The following OSBPL2 variants were observed in gnomAD, a reference collection of about 807,000 sequenced individuals.
The protein encoded by OSBPL2 is oxysterol-binding protein-related protein 2.
Under a neutral mutation model 58.4 loss-of-function variants are expected in OSBPL2, and 18 were observed. That is an observed-to-expected ratio of 0.31 (90% CI 0.21 to 0.46). OSBPL2 has a LOEUF of 0.46. Among genes scored for constraint, OSBPL2 ranks in the 20% least tolerant of loss-of-function variants. The pLI is 1.00. For synonymous variants in OSBPL2, 221 were observed against 234.1 expected, an observed-to-expected ratio of 0.94 and a Z score of 0.51; for missense variants, 461 against 616.5, an observed-to-expected ratio of 0.75 and a Z score of 2.67.
intron 1 of OSBPL2, among the ~76,000 whole-genome samples, chr20:62,245,747 T>C (rs6061467): frequency 0.96 from 146,395 of 152,208 alleles, 70,459 homozygotes; most frequent in South Asian, 0.99. Flanking sequence ...GGGCTGCAGA[T>C]GGTGACGAGG....
rs753267278 is a variant in OSBPL2, at chr20:62,260,175, A to C, written c.182+50A>C. 1.9e-6 allele frequency: 3 copies of C among 1,571,404 alleles called. No individual in the cohort carries two copies. In the Admixed American group the frequency reaches 5.1e-5, roughly 27 times the overall value. On this transcript the variant is annotated intron_variant, in intron 3 of 13. Transcript: ENST00000313733. Reference sequence around the variant, plus strand: ...TCTAAAATGTGTCTGTAATCACCCCAAAAATACTCTGCAGGGTACCCCTCA... The same window carrying C: ...TCTAAAATGTGTCTGTAATCACCCCCAAAATACTCTGCAGGGTACCCCTCA...
chr20:62,281,605 C>T (rs1010831069), intron 8 of OSBPL2, 185 bp from the exon 9 acceptor site: 11 of 556,418 alleles, frequency 2.0e-5, no homozygotes, highest in East Asian at 2.9e-5. Flanking sequence ...GTAAATTGAC[C>T]GAATCATGGA....
chr20:62,267,423 G>A (rs1316985649), intron 4 of OSBPL2, among the ~76,000 whole-genome samples: 2 of 152,048 alleles, frequency 1.3e-5, no homozygotes, highest in African/African-American at 4.8e-5. Flanking sequence ...AAGGTGGCCC[G>A]GAGTCCTTTA....
At chr20:62,274,830 C>G (rs1325770999) in intron 6 of OSBPL2, among the ~76,000 whole-genome samples, 2 of 152,208 alleles carry the variant, frequency 1.3e-5, no homozygotes, top group Non-Finnish European at 2.9e-5. Flanking sequence ...AGAGTGCAGA[C>G]GGGAGGGAAG....
intron 1 of OSBPL2, among the ~76,000 whole-genome samples, chr20:62,243,462 G>T (rs927831453): frequency 1.6e-5 from 1 of 61,770 alleles, no homozygotes; most frequent in Non-Finnish European, 5.2e-5. Context: ...CGCCTGCCCC[G>T]CAGCGCCTGC....
At chr20:62,275,897 T>G (rs1406485688) in intron 6 of OSBPL2, among the ~76,000 whole-genome samples, 2 of 147,656 alleles carry the variant, frequency 1.4e-5, no homozygotes, top group Non-Finnish European at 3.0e-5. Flanking sequence ...TTTTATGTGT[T>G]ATTAATGATT....
rs1219383566 is a variant in OSBPL2, at chr20:62,256,116, A to T, written c.-69A>T. 7 of 1,537,856 alleles carry T rather than the reference A, an allele frequency of 4.6e-6. No homozygotes were observed. The highest frequency in any genetic ancestry group is 2.7e-5 in the African/African-American group (2 of 73,274). On this transcript the variant is annotated 5_prime_UTR_variant, in exon 2 of 14. It removes an upstream start codon present in the reference 5' UTR. Coordinates refer to ENST00000313733, the MANE Select transcript of OSBPL2 (RefSeq NM_144498.4). The stretch of plus-strand genomic sequence containing the variant: ...GTTTGTAAAATTCCTTACACTGTAG[A>T]TGTGGATCAGATACGATGATTCAGT...
intron 1 of OSBPL2, among the ~76,000 whole-genome samples, chr20:62,252,951 C>T (rs1028743289): frequency 1.1e-4 from 16 of 152,254 alleles, no homozygotes; most frequent in African/African-American, 3.4e-4. Flanking sequence ...CCCATCAGGC[C>T]TGCATCCAAC....
chr20:62,260,072 G>A lies in OSBPL2; in HGVS notation c.129G>A (p.Arg43=), dbSNP rs1313268712. The change falls in exon 3 of 14, where the codon AGG becomes AGA. Residue 43 remains arginine, a synonymous_variant. Coordinates refer to ENST00000313733, the MANE Select transcript of OSBPL2 (RefSeq NM_144498.4). ...ACTTAGACACCAGCAAAAATAATAG[G>A]ATTGGGAAAACTGGGGAGAGGCCCT... ...MIDLDTSKNN[R]IGKTGERPSQ... The A allele has an allele frequency of 1.2e-6, 2 of 1,613,878 alleles. No homozygotes were observed. The highest frequency in any genetic ancestry group is 1.7e-6 in the Non-Finnish European group (2 of 1,179,914).
At chr20:62,285,988 G>A in intron 10 of OSBPL2, 1 of 159,582 alleles carries the variant, frequency 6.3e-6, no homozygotes, top group South Asian at 1.5e-4. Flanking sequence ...AAACACGCCT[G>A]GCCACTGACC....
intron 1 of OSBPL2, among the ~76,000 whole-genome samples, chr20:62,241,319 A>T (rs1979716032): frequency 6.6e-6 from 1 of 152,012 alleles, no homozygotes; most frequent in Non-Finnish European, 1.5e-5. Context: ...CAGCCTCCCA[A>T]GTAGCTGGGA....
At chr20:62,281,282 C>T (rs1198867170) in intron 8 of OSBPL2, 117 bp downstream of exon 8, 9 of 688,076 alleles carry the variant, frequency 1.3e-5, no homozygotes, top group African/African-American at 5.3e-5. Flanking sequence ...GAGCTGCTGC[C>T]GTGTCCCCGC....
intron 1 of OSBPL2, among the ~76,000 whole-genome samples, chr20:62,255,420 C>A (rs144344071): frequency 3.0e-4 from 45 of 152,236 alleles, no homozygotes; most frequent in African/African-American, 1.1e-3. Flanking sequence ...GCGCCCATGA[C>A]TTTTCCCAAA....
intron 3 of OSBPL2, among the ~76,000 whole-genome samples, chr20:62,260,962 T>G (rs1981260687): frequency 1.3e-5 from 2 of 150,328 alleles, no homozygotes. Flanking sequence ...TGCACTCTAG[T>G]ATGGGCAACA....
chr20:62,247,086 G>A (rs934501187), intron 1 of OSBPL2, among the ~76,000 whole-genome samples: 2 of 152,206 alleles, frequency 1.3e-5, no homozygotes, highest in African/African-American at 4.8e-5. Context: ...CTCCTTGGCC[G>A]GCCCCAGCCT....
intron 1 of OSBPL2, among the ~76,000 whole-genome samples, chr20:62,241,047 G>A (rs560875591): frequency 2.8e-4 from 42 of 152,300 alleles, no homozygotes; most frequent in Non-Finnish European, 5.3e-4. Flanking sequence ...CGTTGAGAGG[G>A]TCAGACTCTG....
intron 11 of OSBPL2, 66 bp downstream of exon 11, chr20:62,286,777 C>A (rs972995401): frequency 1.9e-6 from 3 of 1,547,874 alleles, no homozygotes; most frequent in African/African-American, 2.7e-5. Context: ...GGGCCCAGCC[C>A]CACGGCTCTT....
intron 3 of OSBPL2, 118 bp downstream of exon 3, chr20:62,260,243 C>CCGGA: frequency 1.1e-6 from 1 of 930,952 alleles, no homozygotes; most frequent in Non-Finnish European, 1.6e-6. Flanking sequence ...CCACAGCTGT[C>CCGGA]TGGCCTCCCC....
At chr20:62,255,566 C>T (rs574809636) in intron 1 of OSBPL2, among the ~76,000 whole-genome samples, 8 of 152,332 alleles carry the variant, frequency 5.3e-5, no homozygotes, top group East Asian at 1.9e-4. Context: ...TGCCGTGGCA[C>T]GATCTCAGCT....
Sources: gnomAD v4.1 joint callset for allele counts (sites outside exome capture counted in the v4.1 genomes callset) on GRCh38, gnomAD v4.1.1 for gene constraint, MANE v1.5 for transcripts, NCBI Gene and HGNC (gene_info 2026-07-23, HGNC 2026-07-21) for gene names.